Variants in RNMT observed in about 807,000 individuals in gnomAD.
RNMT encodes RNA guanine-7 methyltransferase.
In RNMT, 27 loss-of-function variants were observed where a neutral mutation model predicts 56.0. The ratio of observed to expected loss-of-function variants is 0.48; its 90% CI spans 0.36 to 0.67. The LOEUF is 0.67. Among genes scored for constraint, RNMT ranks in the 30% least tolerant of loss-of-function variants. RNMT has a pLI of 0.00. For missense variants in RNMT, 519 were observed against 552.1 expected, an observed-to-expected ratio of 0.94 and a Z score of 0.60; for synonymous variants, 184 against 176.2, an observed-to-expected ratio of 1.04 and a Z score of -0.35.
At chr18:13,754,193 T>C in intron 11 of RNMT, 46 bp downstream of exon 11, 1 of 1,289,442 alleles carries the variant, frequency 7.8e-7, no homozygotes, top group South Asian at 1.3e-5. Context: ...TCAAAAGTCC[T>C]GTTTCAAAGT....
At chr18:13,746,384 T>G (rs761760259) in intron 9 of RNMT, 47 bp downstream of exon 9, 41 of 1,111,406 alleles carry the variant, frequency 3.7e-5, no homozygotes, top group Non-Finnish European at 5.2e-5. Flanking sequence ...GGTGAACTTG[T>G]TTGGCTGTTC....
At chr18:13,756,545 G>A (rs1252085420) in intron 11 of RNMT, among the ~76,000 whole-genome samples, 1 of 152,134 alleles carries the variant, frequency 6.6e-6, no homozygotes, top group Non-Finnish European at 1.5e-5. Flanking sequence ...TGCAAGTGCT[G>A]GGGACTGCTT....
Position 13,731,811 on chromosome 18 carries a change from T to C in RNMT, c.294T>C (p.Ala98=), listed in dbSNP as rs923212724. ...IVPEEKDCGD[A]EGNSKKRKRE... ...CAGAGGAAAAAGATTGTGGTGATGCTGAAGGCAATTCAAAGAAAAGAAAAA... is the reference window on the plus strand; with the variant it reads ...CAGAGGAAAAAGATTGTGGTGATGCCGAAGGCAATTCAAAGAAAAGAAAAA... Residue 98 remains alanine, a synonymous_variant, in exon 3 of 12, where the codon GCT becomes GCC. Coordinates refer to ENST00000383314, the MANE Select transcript of RNMT (RefSeq NM_003799.3). 22 of 1,613,610 alleles carry C rather than the reference T, an allele frequency of 1.4e-5. No homozygotes were observed. The African/African-American group carries it at 2.8e-4, about 21-fold the overall frequency.
Position 13,741,832 on chromosome 18 carries a change from T to A in RNMT, c.974+141T>A, listed in dbSNP as rs2044256545. 3.9e-5 allele frequency: 22 copies of A among 561,490 alleles called. No homozygotes were observed. The South Asian group carries it at 7.1e-4, about 18-fold the overall frequency. 34.8% of individuals were successfully genotyped at this position (561,490 alleles called of 1,614,324 possible). A position where few individuals can be genotyped will look rare whatever the true frequency, so the allele number is the denominator to read the frequency against. On this transcript the variant is annotated intron_variant, in intron 7 of 11. Transcript: ENST00000383314. ...TTTCATAAGATATTTGAGTAGACAT[T>A]CAAAATTTAAATTCAATAGACAAAT...
In RNMT at chr18:13,762,195, T is replaced by C; in HGVS notation, c.*2216T>C. On this transcript the variant is annotated 3_prime_UTR_variant, in exon 12 of 12. Coordinates refer to ENST00000383314, the MANE Select transcript of RNMT (RefSeq NM_003799.3). ...TGGAAATGAAGACCTAACCAGCTAT[T>C]GGTGGGAATGACGGAACTGGGGATT... 2 of 1,504,254 alleles carry C rather than the reference T, an allele frequency of 1.3e-6. No individual in the cohort carries two copies. Among genetic ancestry groups the C allele is most frequent in the South Asian group, 1.3e-5 (1 of 77,616 alleles). 93.2% of individuals were successfully genotyped at this position (1,504,254 alleles called of 1,614,324 possible).
In RNMT at chr18:13,761,849, C is replaced by T. The variant is rs1047382892; in HGVS notation, c.*1870C>T. 1.1e-5 allele frequency: 13 copies of T among 1,184,272 alleles called. No individual in the cohort carries two copies. Among genetic ancestry groups the T allele is most frequent in the Non-Finnish European group, 1.3e-5 (12 of 951,938 alleles). The allele number at this position is 1,184,272 out of a possible 1,614,324, so 73.4% of individuals were successfully genotyped here. A position where few individuals can be genotyped will look rare whatever the true frequency, so the allele number is the denominator to read the frequency against. On this transcript the variant is annotated 3_prime_UTR_variant, in exon 12 of 12. Coordinates refer to ENST00000383314, the MANE Select transcript of RNMT (RefSeq NM_003799.3). ...TCTTCCTCCACCACCCTACACCCCCCTCCCCCCGGCCCCAAGCCCCTGTGT... is the reference window on the plus strand; with the variant it reads ...TCTTCCTCCACCACCCTACACCCCCTTCCCCCCGGCCCCAAGCCCCTGTGT...
chr18:13,747,375 C>T (rs1198414886), intron 9 of RNMT, among the ~76,000 whole-genome samples: 37 of 152,090 alleles, frequency 2.4e-4, no homozygotes, highest in Non-Finnish European at 1.5e-5. Flanking sequence ...TGTCACCACA[C>T]CTGTCTCAGT....
intron 9 of RNMT, among the ~76,000 whole-genome samples, chr18:13,748,636 T>C (rs1044698338): frequency 6.6e-6 from 1 of 152,212 alleles, no homozygotes; most frequent in South Asian, 2.1e-4. Context: ...TCCTGGAGCG[T>C]TGGAACAGAG....
chr18:13,761,231 G>A lies in RNMT; in HGVS notation c.*1252G>A. On this transcript the variant is annotated 3_prime_UTR_variant, in exon 12 of 12. Transcript: ENST00000383314. ...GGATTTCCTCATTTCAGTTCCTTCT[G>A]CAGCCTGTGAATCTCCACAAAGTGT... The A allele has an allele frequency of 1.0e-6, 1 of 985,386 alleles. No individual in the cohort carries two copies. Among genetic ancestry groups the A allele is most frequent in the Non-Finnish European group, 1.2e-6 (1 of 829,928 alleles). The allele number at this position is 985,386 out of a possible 1,614,324, so 61.0% of individuals were successfully genotyped here.
intron 3 of RNMT, among the ~76,000 whole-genome samples, chr18:13,733,423 G>A (rs934570439): frequency 6.6e-6 from 1 of 152,048 alleles, no homozygotes; most frequent in African/African-American, 2.4e-5. Context: ...TGTTGCCCAT[G>A]CTGGAGTGCG....
rs781431960 is a variant in RNMT at position 13,731,849 on chromosome 18, A to G, written c.332A>G (p.Asp111Gly). 3.7e-6 allele frequency: 6 copies of G among 1,613,110 alleles called. No individual in the cohort carries two copies. The South Asian group carries it at 6.6e-5, about 18-fold the overall frequency. The change falls in exon 3 of 12, where the codon GAT (aspartate) becomes GGT (glycine). Residue 111 changes from aspartate (D) to glycine (G), a missense_variant. Coordinates refer to ENST00000383314, the MANE Select transcript of RNMT (RefSeq NM_003799.3). ...NSKKRKRETEDVPKDKSSTGD... is the reference protein window; with the variant it reads ...NSKKRKRETEGVPKDKSSTGD... ...AAGAAAAGAAAAAGAGAAACTGAGG[A>G]TGTTCCAAAAGATAAATCTTCTACT...
intron 1 of RNMT, among the ~76,000 whole-genome samples, chr18:13,730,206 C>A (rs1203793424): frequency 6.6e-6 from 1 of 152,208 alleles, no homozygotes; most frequent in African/African-American, 2.4e-5. Context: ...AATAAATGAA[C>A]CACCATAATT....
intron 9 of RNMT, among the ~76,000 whole-genome samples, chr18:13,750,942 T>TAA (rs2044432482): frequency 6.6e-6 from 1 of 152,176 alleles, no homozygotes; most frequent in African/African-American, 2.4e-5. Context: ...ATCCCTTCCT[T>TAA]ACACTTTATA....
chr18:13,733,238 G>A (rs766131719), intron 3 of RNMT, among the ~76,000 whole-genome samples: 3 of 152,088 alleles, frequency 2.0e-5, no homozygotes, highest in Admixed American at 6.6e-5. Flanking sequence ...AGGAGGATCC[G>A]AAGCCCTTTA....
intron 8 of RNMT, among the ~76,000 whole-genome samples, chr18:13,745,254 C>T (rs573878639): frequency 5.9e-5 from 9 of 152,056 alleles, no homozygotes; most frequent in Non-Finnish European, 8.8e-5. Context: ...GACTCAGGTC[C>T]GCATTTCTGA....
At chr18:13,752,997 C>T (rs999118438) in intron 10 of RNMT, among the ~76,000 whole-genome samples, 1 of 152,004 alleles carries the variant, frequency 6.6e-6, no homozygotes. Context: ...ATGGTGTGTG[C>T]AAAGCAACAC....
At chr18:13,753,816 T>TACAC (rs3138630) in intron 10 of RNMT, among the ~76,000 whole-genome samples, 5,129 of 144,444 alleles carry the variant, frequency 0.036, 142 homozygotes, top group African/African-American at 0.086. Flanking sequence ...ATTTTCCAGT[T>TACAC]ACACACACAC....
intron 1 of RNMT, among the ~76,000 whole-genome samples, chr18:13,729,214 C>T (rs1200323869): frequency 6.6e-6 from 1 of 152,192 alleles, no homozygotes; most frequent in Non-Finnish European, 1.5e-5. Flanking sequence ...TCACTATGTA[C>T]GTTCTTGGCA....
intron 11 of RNMT, among the ~76,000 whole-genome samples, chr18:13,757,770 T>C (rs924180012): frequency 1.3e-5 from 2 of 152,342 alleles, no homozygotes; most frequent in East Asian, 1.9e-4. Flanking sequence ...CTTAATGATA[T>C]CTAGAATGGG....
Sources: gnomAD v4.1 joint callset for allele counts (sites outside exome capture counted in the v4.1 genomes callset) on GRCh38, gnomAD v4.1.1 for gene constraint, MANE v1.5 for transcripts, NCBI Gene and HGNC (gene_info 2026-07-23, HGNC 2026-07-21) for gene names.